The following TRDN variants were observed in gnomAD, a reference collection of about 807,000 sequenced individuals.
TRDN encodes the protein triadin in skeletal muscle.
In TRDN, 161 loss-of-function variants were observed where a neutral mutation model predicts 149.7. That is an observed-to-expected ratio of 1.08 (90% CI 0.95 to 1.23). The LOEUF is 1.23. TRDN is among the 50% of genes most tolerant of loss of function. TRDN has a pLI of 0.00. For synonymous variants in TRDN, 294 were observed against 250.5 expected (o/e 1.17, Z -1.64); for missense variants, 896 against 823.5 (o/e 1.09, Z -1.08).
chr6:123,456,471 T>A (rs1030864369), intron 10 of TRDN, among the ~76,000 whole-genome samples: 30 of 147,050 alleles, frequency 2.0e-4, no homozygotes, highest in Admixed American at 1.9e-3. Flanking sequence ...AGCAGGCATT[T>A]TTTTTTTCTT....
At chr6:123,278,234 T>A in intron 26 of TRDN, 84 bp downstream of exon 26, 1 of 942,564 alleles carries the variant, frequency 1.1e-6, no homozygotes, top group Non-Finnish European at 1.5e-6. Context: ...ATATTTGTAC[T>A]AGGACATGAC....
At chr6:123,450,153 A>C (rs1775680499) in intron 10 of TRDN, among the ~76,000 whole-genome samples, 1 of 152,180 alleles carries the variant, frequency 6.6e-6, no homozygotes, top group African/African-American at 2.4e-5. Context: ...TAAGACAAAA[A>C]TAGAAGTTGA....
At chr6:123,295,242 A>G (rs562091453) in intron 24 of TRDN, among the ~76,000 whole-genome samples, 1 of 152,296 alleles carries the variant, frequency 6.6e-6, no homozygotes, top group South Asian at 2.1e-4. Flanking sequence ...ATGTCTGCAT[A>G]GACTGCTCCT....
intron 6 of TRDN, among the ~76,000 whole-genome samples, chr6:123,514,253 G>GC (rs1779318420): frequency 1.3e-5 from 2 of 151,988 alleles, no homozygotes; most frequent in Admixed American, 1.3e-4. Flanking sequence ...TAGTTCTCAT[G>GC]CTGAGGCATG....
chr6:123,592,549 G>A lies in TRDN; in HGVS notation c.23-21417C>T, dbSNP rs115278573. Among the ~76,000 whole-genome samples, 1,115 of 152,150 alleles carry A rather than the reference G, an allele frequency of 7.3e-3. 25 individuals are homozygous for A. The highest frequency in any genetic ancestry group is 0.025 in the African/African-American group (1,048 of 41,508). On this transcript the variant is annotated intron_variant, in intron 1 of 40. Coordinates refer to ENST00000334268, the MANE Select transcript of TRDN (RefSeq NM_006073.4). Reference sequence around the variant, plus strand: ...ACAAGGAACAGTGAATTCCCTATCGGATCATTTCAAATAGCTTATCTGAAT... The same window carrying A: ...ACAAGGAACAGTGAATTCCCTATCGAATCATTTCAAATAGCTTATCTGAAT...
At chr6:123,621,224 G>T (rs1785365648) in intron 1 of TRDN, among the ~76,000 whole-genome samples, 1 of 152,026 alleles carries the variant, frequency 6.6e-6, no homozygotes, top group Non-Finnish European at 1.5e-5. Flanking sequence ...AAGTCCTTAG[G>T]ATTCTATTCA....
chr6:123,596,024 A>G (rs1053814043), intron 1 of TRDN, among the ~76,000 whole-genome samples: 2 of 152,112 alleles, frequency 1.3e-5, no homozygotes, highest in East Asian at 1.9e-4. Flanking sequence ...TGAGGAAGCC[A>G]TGTTCAAAGC....
chr6:123,510,527 C>G (rs13199871), intron 7 of TRDN, among the ~76,000 whole-genome samples: 15,143 of 151,694 alleles, frequency 0.1, 1,036 homozygotes, highest in South Asian at 0.21. Flanking sequence ...TTCAATATGC[C>G]AAAATATCTA....
At chr6:123,488,698 T>A (rs1377424598) in intron 9 of TRDN, 1 of 128,842 alleles carries the variant, frequency 7.8e-6, no homozygotes, top group African/African-American at 2.9e-5. Flanking sequence ...TTGTACAACA[T>A]TTCCAATCTT....
rs900248445 is a variant in TRDN at position 123,336,434 on chromosome 6, C to T, written c.1420+1185G>A. 2.0e-5 allele frequency among the ~76,000 whole-genome samples: 3 copies of T among 152,020 alleles called. No homozygotes were observed. In the South Asian group the frequency reaches 6.2e-4, roughly 32 times the overall value. On this transcript the variant is annotated intron_variant, in intron 22 of 40. Transcript: ENST00000334268. ...TAGATGCACCACTTTTGGACTTCCT[C>T]CAAACAATTACCACACCTTTAAAGG...
intron 20 of TRDN, among the ~76,000 whole-genome samples, chr6:123,355,718 T>C (rs780157021): frequency 3.3e-5 from 5 of 151,802 alleles, no homozygotes; most frequent in African/African-American, 4.8e-5. Context: ...ATTTTGAGAA[T>C]TGATATCTTT....
chr6:123,472,823 A>G (rs1038332517), intron 9 of TRDN, among the ~76,000 whole-genome samples: 7 of 152,314 alleles, frequency 4.6e-5, no homozygotes, highest in East Asian at 1.9e-4. Flanking sequence ...GCAACCCCCC[A>G]GCAGGGGCAC....
At chr6:123,367,457 T>C (rs1224833040) in intron 19 of TRDN, among the ~76,000 whole-genome samples, 1 of 152,120 alleles carries the variant, frequency 6.6e-6, no homozygotes, top group Non-Finnish European at 1.5e-5. Flanking sequence ...TTGAAAGACA[T>C]CAGACATCAG....
intron 19 of TRDN, among the ~76,000 whole-genome samples, chr6:123,366,747 A>G (rs1781116620): frequency 1.3e-5 from 2 of 152,026 alleles, no homozygotes; most frequent in Non-Finnish European, 2.9e-5. Flanking sequence ...TGAACTCCTG[A>G]CCTCAGGTGA....
intron 12 of TRDN, among the ~76,000 whole-genome samples, chr6:123,399,593 G>GCCAGAGAAAGAAATACCTGT (rs1368465546): frequency 6.6e-6 from 1 of 152,146 alleles, no homozygotes; most frequent in East Asian, 1.9e-4. Flanking sequence ...TTCTTGAGAT[G>GCCAGAGAAAGAAATACCTGT]CCAGAGAAAG....
chr6:123,425,886 C>CATCT (rs373811839), intron 12 of TRDN, among the ~76,000 whole-genome samples: 2,602 of 151,976 alleles, frequency 0.017, 61 homozygotes, highest in African/African-American at 0.054. Context: ...ATCTATCTAT[C>CATCT]ATCTATCTAT....
chr6:123,419,859 G>C (rs1773822777), intron 12 of TRDN, among the ~76,000 whole-genome samples: 1 of 152,170 alleles, frequency 6.6e-6, no homozygotes, highest in Non-Finnish European at 1.5e-5. Context: ...TTTAGAATCA[G>C]AGAAAACAGA....
chr6:123,530,821 A>G (rs1177662793), intron 4 of TRDN, among the ~76,000 whole-genome samples: 1 of 151,972 alleles, frequency 6.6e-6, no homozygotes. Flanking sequence ...AGACAGAGCT[A>G]TGTTGTCACC....
chr6:123,373,119 C>T (rs1450029726), intron 19 of TRDN, among the ~76,000 whole-genome samples: 2 of 152,134 alleles, frequency 1.3e-5, no homozygotes, highest in African/African-American at 4.8e-5. Flanking sequence ...CTATGAGACT[C>T]TATGATATGG....
Sources: allele counts gnomAD v4.1 joint callset (sites outside exome capture counted in the v4.1 genomes callset), GRCh38; gene constraint gnomAD v4.1.1; transcripts MANE v1.5; gene names NCBI Gene and HGNC (gene_info 2026-07-23, HGNC 2026-07-21).